The following TBC1D5 variants were observed in gnomAD, a reference collection of about 807,000 sequenced individuals.
TBC1D5 encodes the protein TBC1 domain family member 5.
TBC1D5 carries 75 observed loss-of-function variants against 100.3 expected under a neutral mutation model. The ratio of observed to expected loss-of-function variants is 0.75; its 90% CI spans 0.62 to 0.91. TBC1D5 has a LOEUF of 0.91. Ranked by LOEUF, TBC1D5 falls within the 40% of genes least tolerant of loss-of-function variation. TBC1D5 has a pLI of 0.00. For synonymous variants in TBC1D5, 323 were observed against 325.6 expected (o/e 0.99, Z 0.09); for missense variants, 910 against 942.4 (o/e 0.97, Z 0.45).
intron 16 of TBC1D5, among the ~76,000 whole-genome samples, chr3:17,254,206 T>G (rs2077425144): frequency 6.6e-6 from 1 of 152,244 alleles, no homozygotes; most frequent in African/African-American, 2.4e-5. Flanking sequence ...TTTGGATATG[T>G]GTTTTTATTT....
intron 13 of TBC1D5, among the ~76,000 whole-genome samples, chr3:17,341,086 A>T (rs1210594475): frequency 1.3e-5 from 2 of 152,214 alleles, no homozygotes; most frequent in Admixed American, 6.5e-5. Context: ...CATATTATAA[A>T]ACTATATTTT....
chr3:17,531,548 C>T (rs1379068941), intron 2 of TBC1D5, among the ~76,000 whole-genome samples: 5 of 152,258 alleles, frequency 3.3e-5, no homozygotes, highest in Non-Finnish European at 7.3e-5. Context: ...GCCAAAAGAA[C>T]GAAGCTGGAG....
At chr3:17,325,635 T>A (rs2086009876) in intron 13 of TBC1D5, among the ~76,000 whole-genome samples, 1 of 152,310 alleles carries the variant, frequency 6.6e-6, no homozygotes, top group Non-Finnish European at 1.5e-5. Flanking sequence ...TATGGATGAA[T>A]CTTAAATGTA....
chr3:17,435,084 C>G (rs1009401959), intron 3 of TBC1D5, among the ~76,000 whole-genome samples: 6 of 152,292 alleles, frequency 3.9e-5, no homozygotes, highest in African/African-American at 1.4e-4. Context: ...ATATCACTAT[C>G]AGCATTTTGG....
At chr3:17,628,503 AACATAAACT>A (rs1362284134) in intron 1 of TBC1D5, among the ~76,000 whole-genome samples, 1 of 152,162 alleles carries the variant, frequency 6.6e-6, no homozygotes, top group Non-Finnish European at 1.5e-5. Context: ...AGAAAATAAC[AACATAAACT>A]ACAAGAAGAG....
intron 18 of TBC1D5, among the ~76,000 whole-genome samples, chr3:17,200,551 C>T (rs887698133): frequency 1.3e-5 from 2 of 152,256 alleles, no homozygotes; most frequent in South Asian, 2.1e-4. Flanking sequence ...TGAAACCATG[C>T]CCCTGCAACC....
At chr3:17,487,168 A>C (rs1427845738) in intron 3 of TBC1D5, among the ~76,000 whole-genome samples, 2 of 152,162 alleles carry the variant, frequency 1.3e-5, no homozygotes, top group Non-Finnish European at 2.9e-5. Context: ...TTTCATGCTA[A>C]AGTGGTATGA....
intron 1 of TBC1D5, among the ~76,000 whole-genome samples, chr3:17,630,760 G>A (rs2063421006): frequency 6.6e-6 from 1 of 151,810 alleles, no homozygotes; most frequent in African/African-American, 2.4e-5. Context: ...CCCAGGCTGG[G>A]CACGGTGGCT....
rs572455475 is a variant in TBC1D5, at chr3:17,223,942, GA to G, written c.1589-9573del. 3.6e-3 allele frequency among the ~76,000 whole-genome samples: 541 copies of G among 150,882 alleles called. 4 individuals carry two copies. Among genetic ancestry groups the G allele is most frequent in the African/African-American group, 0.012 (488 of 41,086 alleles). ...AAACAAAACAAAACAAACAAACAAAGAAAAAAAGACTATGCCAATATATATA... is the reference window on the plus strand; with the variant it reads ...AAACAAAACAAAACAAACAAACAAAGAAAAAAGACTATGCCAATATATATA... On this transcript the variant is annotated intron_variant, in intron 17 of 21. Transcript: ENST00000253692.
chr3:17,288,101 T>C (rs1028901173), intron 15 of TBC1D5, among the ~76,000 whole-genome samples: 4 of 152,244 alleles, frequency 2.6e-5, no homozygotes, highest in African/African-American at 4.8e-5. Context: ...TAAAGCACTA[T>C]GATGTCTGAA....
chr3:17,463,232 A>T (rs1401669490), intron 3 of TBC1D5, among the ~76,000 whole-genome samples: 1 of 152,100 alleles, frequency 6.6e-6, no homozygotes. Flanking sequence ...TCTTAATATC[A>T]CATCTCTGTT....
At chr3:17,555,866 G>C (rs531124274) in intron 2 of TBC1D5, among the ~76,000 whole-genome samples, 2 of 152,218 alleles carry the variant, frequency 1.3e-5, no homozygotes, top group Admixed American at 1.3e-4. Context: ...GTACAAACAA[G>C]CCATGACCGA....
chr3:17,468,385 A>C (rs907814486), intron 3 of TBC1D5, among the ~76,000 whole-genome samples: 1 of 151,764 alleles, frequency 6.6e-6, no homozygotes, highest in South Asian at 2.1e-4. Context: ...TATTAGCTCA[A>C]TTTTTTTTCA....
intron 2 of TBC1D5, among the ~76,000 whole-genome samples, chr3:17,612,623 T>C (rs947610624): frequency 6.6e-5 from 10 of 151,688 alleles, no homozygotes; most frequent in African/African-American, 2.4e-4. Context: ...AGAGTGATAC[T>C]CTATCTCAAA....
intron 18 of TBC1D5, among the ~76,000 whole-genome samples, chr3:17,197,653 T>C (rs1323962033): frequency 1.3e-5 from 2 of 152,200 alleles, no homozygotes; most frequent in African/African-American, 4.8e-5. Context: ...ATTACAGGCA[T>C]GAGTTACTGT....
intron 3 of TBC1D5, among the ~76,000 whole-genome samples, chr3:17,505,244 G>A (rs922062645): frequency 1.3e-5 from 2 of 152,018 alleles, no homozygotes; most frequent in Admixed American, 1.3e-4. Flanking sequence ...TTCATGAATG[G>A]TTTTGCACCA....
intron 19 of TBC1D5, among the ~76,000 whole-genome samples, chr3:17,169,007 C>T (rs1207302467): frequency 6.6e-6 from 1 of 152,204 alleles, no homozygotes; most frequent in African/African-American, 2.4e-5. Flanking sequence ...CAAATCTATG[C>T]ACAGGCTTCT....
At chr3:17,610,112 T>C (rs1017482096) in intron 2 of TBC1D5, among the ~76,000 whole-genome samples, 1 of 152,342 alleles carries the variant, frequency 6.6e-6, no homozygotes, top group South Asian at 2.1e-4. Flanking sequence ...TATCCAAATA[T>C]AAGCATTGAA....
intron 13 of TBC1D5, among the ~76,000 whole-genome samples, chr3:17,345,771 G>A (rs2089772567): frequency 1.3e-5 from 2 of 152,184 alleles, no homozygotes; most frequent in South Asian, 4.1e-4. Context: ...TCCTTCGTAG[G>A]GACGGGGATG....
Sources: allele counts gnomAD v4.1 joint callset (sites outside exome capture counted in the v4.1 genomes callset), GRCh38; gene constraint gnomAD v4.1.1; transcripts MANE v1.5; gene names NCBI Gene and HGNC (gene_info 2026-07-23, HGNC 2026-07-21).